The following RAD51B variants were observed in gnomAD, a reference collection of about 807,000 sequenced individuals.
RAD51B encodes DNA repair protein RAD51 homolog 2.
A neutral mutation model predicts 42.2 loss-of-function variants in RAD51B; 38 were observed. That is an observed-to-expected ratio of 0.90 (90% CI 0.70 to 1.18). The LOEUF is 1.18. Among genes scored for constraint, RAD51B ranks in the 50% most tolerant of loss-of-function variants. The pLI, the probability that RAD51B is intolerant of heterozygous loss-of-function variation, is 0.00. For missense variants in RAD51B, 373 were observed against 400.7 expected, an observed-to-expected ratio of 0.93 and a Z score of 0.59; for synonymous variants, 154 against 145.2, an observed-to-expected ratio of 1.06 and a Z score of -0.43.
chr14:68,204,663 G>A (rs1338282270), intron 7 of RAD51B, among the ~76,000 whole-genome samples: 2 of 152,192 alleles, frequency 1.3e-5, no homozygotes, highest in African/African-American at 2.4e-5. Flanking sequence ...TGTCTCTAGT[G>A]TGTTTGTGTA....
chr14:68,079,976 A>T (rs1465661217), intron 7 of RAD51B, among the ~76,000 whole-genome samples: 2 of 152,226 alleles, frequency 1.3e-5, no homozygotes, highest in African/African-American at 2.4e-5. Context: ...ATAATTACAT[A>T]TTACCTGGTA....
intron 7 of RAD51B, among the ~76,000 whole-genome samples, chr14:67,968,216 C>T (rs1437272660): frequency 6.6e-6 from 1 of 152,172 alleles, no homozygotes; most frequent in African/African-American, 2.4e-5. Flanking sequence ...CCCATGAAAC[C>T]ATTTTTTCCT....
At chr14:67,859,598 G>T (rs2042099733) in intron 4 of RAD51B, among the ~76,000 whole-genome samples, 1 of 152,168 alleles carries the variant, frequency 6.6e-6, no homozygotes, top group African/African-American at 2.4e-5. Flanking sequence ...TGTGGGACAG[G>T]AAGTTAAACT....
intron 7 of RAD51B, among the ~76,000 whole-genome samples, chr14:68,048,050 C>T (rs564201427): frequency 1.3e-4 from 20 of 152,168 alleles, no homozygotes; most frequent in African/African-American, 3.9e-4. Context: ...ACTCCTTCAA[C>T]GTCTAAATGA....
chr14:68,363,150 G>T (rs1235080082), intron 8 of RAD51B, among the ~76,000 whole-genome samples: 1 of 152,236 alleles, frequency 6.6e-6, no homozygotes, highest in Non-Finnish European at 1.5e-5. Context: ...CATGAGGAAA[G>T]ATTTTGGGTA....
chr14:67,949,343 CAAT>C (rs1351302350), intron 7 of RAD51B, among the ~76,000 whole-genome samples: 1 of 152,206 alleles, frequency 6.6e-6, no homozygotes, highest in Non-Finnish European at 1.5e-5. Context: ...GTCATTTCAA[CAAT>C]GTTATTAGCA....
At chr14:68,561,173 C>T (rs1889129149) in intron 10 of RAD51B, among the ~76,000 whole-genome samples, 1 of 152,240 alleles carries the variant, frequency 6.6e-6, no homozygotes, top group South Asian at 2.1e-4. Flanking sequence ...CTCCCAAATA[C>T]ACAACAAGCT....
intron 7 of RAD51B, among the ~76,000 whole-genome samples, chr14:68,264,734 T>C (rs927013512): frequency 6.6e-6 from 1 of 152,136 alleles, no homozygotes; most frequent in East Asian, 1.9e-4. Context: ...TTTAGGAGGA[T>C]TAGAGCATGC....
At chr14:68,248,984 G>C (rs1400667987) in intron 7 of RAD51B, among the ~76,000 whole-genome samples, 1 of 152,248 alleles carries the variant, frequency 6.6e-6, no homozygotes, top group Non-Finnish European at 1.5e-5. Context: ...TTGCCCGAAT[G>C]GCACCAGGCC....
chr14:68,403,566 C>A (rs183254243), intron 8 of RAD51B, among the ~76,000 whole-genome samples: 437 of 152,302 alleles, frequency 2.9e-3, no homozygotes, highest in Non-Finnish European at 3.6e-3. Context: ...TACATAGCAA[C>A]CTGGTTATCC....
At chr14:68,091,391 A>G (rs1403144483) in intron 7 of RAD51B, among the ~76,000 whole-genome samples, 3 of 152,168 alleles carry the variant, frequency 2.0e-5, no homozygotes, top group Admixed American at 6.5e-5. Context: ...AATGATCGCC[A>G]TACTAACTGG....
intron 6 of RAD51B, chr14:67,886,582 A>C (rs576280559): frequency 8.8e-6 from 2 of 227,048 alleles, no homozygotes; most frequent in African/African-American, 4.4e-5. Context: ...GTGAAAGAGT[A>C]CCCAAGATGG....
chr14:68,132,795 G>T (rs2077922700), intron 7 of RAD51B, among the ~76,000 whole-genome samples: 1 of 152,206 alleles, frequency 6.6e-6, no homozygotes, highest in Non-Finnish European at 1.5e-5. Context: ...TGTGAAACAT[G>T]ATTGCTAAGC....
chr14:68,662,842 G>C (rs1047399460), intron 11 of RAD51B, among the ~76,000 whole-genome samples: 1 of 152,212 alleles, frequency 6.6e-6, no homozygotes, highest in Non-Finnish European at 1.5e-5. Flanking sequence ...ACAGCTGTAC[G>C]TGTTAATTCA....
At chr14:67,967,773 C>G (rs1411943109) in intron 7 of RAD51B, among the ~76,000 whole-genome samples, 1 of 152,130 alleles carries the variant, frequency 6.6e-6, no homozygotes, top group Non-Finnish European at 1.5e-5. Context: ...TGTGGCTTTT[C>G]AAGGTGGAAG....
At chr14:68,426,534 A>G (rs908149672) in intron 9 of RAD51B, among the ~76,000 whole-genome samples, 1 of 152,254 alleles carries the variant, frequency 6.6e-6, no homozygotes, top group Non-Finnish European at 1.5e-5. Context: ...GCAATGAACT[A>G]GGATATCTGG....
At position 68,100,281 on chromosome 14, in the gene RAD51B, G is replaced by A. The variant is rs577768361; in HGVS notation, c.757-191603G>A. On this transcript the variant is annotated intron_variant, in intron 7 of 10. Coordinates refer to ENST00000471583, the MANE Select transcript of RAD51B (RefSeq NM_133510.4). The stretch of plus-strand genomic sequence containing the variant: ...TATAAGTCATATTGGATACTCATGT[G>A]CCTGTGGAACATGCAAAAACTCTGG... Among the ~76,000 whole-genome samples, 6 of 152,316 alleles carry A rather than the reference G, an allele frequency of 3.9e-5. No homozygotes were observed. In the South Asian group the frequency reaches 1.2e-3, roughly 32 times the overall value.
intron 7 of RAD51B, among the ~76,000 whole-genome samples, chr14:67,971,001 T>C (rs550499924): frequency 6.6e-6 from 1 of 152,268 alleles, no homozygotes; most frequent in East Asian, 1.9e-4. Context: ...TGTGGACTAT[T>C]CTGTTATGAC....
intron 11 of RAD51B, among the ~76,000 whole-genome samples, chr14:68,669,441 C>A (rs1422251479): frequency 6.6e-6 from 1 of 152,196 alleles, no homozygotes; most frequent in Non-Finnish European, 1.5e-5. Flanking sequence ...CCAGCCAGCC[C>A]CTTGGGCCTA....
Sources: allele counts gnomAD v4.1 joint callset (sites outside exome capture counted in the v4.1 genomes callset), GRCh38; gene constraint gnomAD v4.1.1; transcripts MANE v1.5; gene names NCBI Gene and HGNC (gene_info 2026-07-23, HGNC 2026-07-21).